Variants in KCNK6 observed in about 807,000 individuals in gnomAD.
KCNK6 encodes potassium two pore domain channel subfamily K member 6.
A neutral mutation model predicts 21.9 loss-of-function variants in KCNK6; 20 were observed. The ratio of observed to expected loss-of-function variants is 0.91; its 90% CI spans 0.64 to 1.32. The LOEUF is 1.32. Among genes scored for constraint, KCNK6 ranks in the 40% most tolerant of loss-of-function variants. The pLI is 0.00. For synonymous variants in KCNK6, 210 were observed against 218.0 expected, an observed-to-expected ratio of 0.96 and a Z score of 0.32; for missense variants, 415 against 433.1, an observed-to-expected ratio of 0.96 and a Z score of 0.37.
chr19:38,323,588 A>G (rs1173647852), intron 1 of KCNK6, among the ~76,000 whole-genome samples: 1 of 152,156 alleles, frequency 6.6e-6, no homozygotes, highest in Non-Finnish European at 1.5e-5. Context: ...GATTACTACC[A>G]CATTTGAGGA....
Position 38,329,776 on chromosome 19 carries a change from C to T in KCNK6, c.*2373C>T. ...CAGAGCGGGTACTGAGGCTGGGTGC[C>T]TGTGGGAGGCTGAGGCAGGAATGAA... On this transcript the variant is annotated 3_prime_UTR_variant, in exon 3 of 3. Transcript: ENST00000263372. 1 of 153,322 alleles carries T rather than the reference C, an allele frequency of 6.5e-6. No individual in the cohort carries two copies. The highest frequency in any genetic ancestry group is 1.4e-5 in the Non-Finnish European group (1 of 68,988). The allele number at this position is 153,322 out of a possible 1,614,324, so 9.5% of individuals were successfully genotyped here.
chr19:38,320,272 G>C lies in KCNK6; in HGVS notation c.322G>C (p.Gly108Arg), dbSNP rs762143495. 11 of 1,605,400 alleles carry C rather than the reference G, an allele frequency of 6.9e-6. No individual in the cohort carries two copies. Among genetic ancestry groups the C allele is most frequent in the Non-Finnish European group, 6.8e-6 (8 of 1,179,328 alleles). The change falls in exon 1 of 3, where the codon GGC becomes CGC. Residue 108 changes from glycine to arginine, a missense_variant and splice_region_variant. Coordinates refer to ENST00000263372, the MANE Select transcript of KCNK6 (RefSeq NM_004823.3). Reference sequence around the variant, plus strand: ...CGCCAGCACGCTGATCACCACCGTGGGTACGTAAGCGCCTCACCGCAAGGC... The same window carrying C: ...CGCCAGCACGCTGATCACCACCGTGCGTACGTAAGCGCCTCACCGCAAGGC... ...FFASTLITTV[G>R]YGYTTPLTDA...
chr19:38,324,516 C>T (rs1350699737), intron 1 of KCNK6, among the ~76,000 whole-genome samples: 2 of 152,176 alleles, frequency 1.3e-5, no homozygotes, highest in Non-Finnish European at 2.9e-5. Flanking sequence ...GGCTGTGTAG[C>T]TCCAGCCTCC....
chr19:38,326,171 T>C (rs543067572), intron 1 of KCNK6, among the ~76,000 whole-genome samples: 10 of 151,924 alleles, frequency 6.6e-5, no homozygotes, highest in Non-Finnish European at 1.2e-4. Flanking sequence ...CAGGAGGGGA[T>C]GTGGGGAGAG....
At chr19:38,327,062 C>T in intron 2 of KCNK6, 74 bp downstream of exon 2, 1 of 1,561,594 alleles carries the variant, frequency 6.4e-7, no homozygotes, top group South Asian at 1.2e-5. Context: ...GGCTCACAGT[C>T]CCACTCTGGG....
At chr19:38,325,456 G>A in intron 1 of KCNK6, 3 of 985,438 alleles carry the variant, frequency 3.0e-6, no homozygotes, top group Non-Finnish European at 3.6e-6. Context: ...CTGAGGCTCA[G>A]AGCCAGGCAA....
intron 1 of KCNK6, among the ~76,000 whole-genome samples, chr19:38,321,708 G>C (rs1340584774): frequency 6.6e-6 from 1 of 152,232 alleles, no homozygotes; most frequent in Non-Finnish European, 1.5e-5. Context: ...TTTTGCTTTT[G>C]GTCCCCTGGC....
rs1969735112 is a variant in KCNK6, at chr19:38,328,369, C to G, written c.*966C>G. 1 of 152,226 alleles carries G rather than the reference C, an allele frequency of 6.6e-6. No homozygotes were observed. The highest frequency in any genetic ancestry group is 1.5e-5 in the Non-Finnish European group (1 of 68,100). 9.4% of individuals were successfully genotyped at this position (152,226 alleles called of 1,614,324 possible). A position where few individuals can be genotyped will look rare whatever the true frequency, so the allele number is the denominator to read the frequency against. ...ATCTGAATGGCATGGGAGGTGCTGC[C>G]CTTAACCATGACACCATTGTAAGAG... On this transcript the variant is annotated 3_prime_UTR_variant, in exon 3 of 3. Transcript: ENST00000263372.
At position 38,320,030 on chromosome 19, in the gene KCNK6, G is replaced by C; in HGVS notation, c.80G>C (p.Arg27Pro). 6.7e-7 allele frequency: 1 copy of C among 1,495,900 alleles called. No homozygotes were observed. Among genetic ancestry groups the C allele is most frequent in the Non-Finnish European group, 8.8e-7 (1 of 1,131,972 alleles). 92.7% of individuals were successfully genotyped at this position (1,495,900 alleles called of 1,614,324 possible). Residue 27 changes from arginine (R) to proline (P), a missense_variant, in exon 1 of 3, where the codon CGG (arginine) becomes CCG (proline). Coordinates refer to ENST00000263372, the MANE Select transcript of KCNK6 (RefSeq NM_004823.3). The part of the protein sequence containing the change: ...YLVLGALLVA[R>P]LEGPHEARLR... The stretch of plus-strand genomic sequence containing the variant: ...GTGCTGGGCGCGCTGTTGGTGGCGC[G>C]GCTGGAGGGGCCGCACGAAGCCAGG...
At position 38,319,942 on chromosome 19, in the gene KCNK6, G is replaced by A; in HGVS notation, c.-9G>A. ...GCCACCCAGGGCTCGCGGGGTCCCGGTGGGTGCCATGCGGAGGGGCGCGCT... is the reference window on the plus strand; with the variant it reads ...GCCACCCAGGGCTCGCGGGGTCCCGATGGGTGCCATGCGGAGGGGCGCGCT... On this transcript the variant is annotated 5_prime_UTR_variant, in exon 1 of 3. The change creates a new upstream start codon in the 5' untranslated region. Coordinates refer to ENST00000263372, the MANE Select transcript of KCNK6 (RefSeq NM_004823.3). 1.4e-6 allele frequency: 2 copies of A among 1,427,282 alleles called. No homozygotes were observed. The highest frequency in any genetic ancestry group is 3.1e-5 in the Admixed American group (1 of 32,002). 88.4% of individuals were successfully genotyped at this position (1,427,282 alleles called of 1,614,324 possible). A position where few individuals can be genotyped will look rare whatever the true frequency, so the allele number is the denominator to read the frequency against.
Position 38,319,956 on chromosome 19 carries a change from G to T in KCNK6, c.6G>T (p.Arg2=). 1 of 1,450,744 alleles carries T rather than the reference G, an allele frequency of 6.9e-7. No individual in the cohort carries two copies. Among genetic ancestry groups the T allele is most frequent in the South Asian group, 1.4e-5 (1 of 71,932 alleles). 89.9% of individuals were successfully genotyped at this position (1,450,744 alleles called of 1,614,324 possible). A position where few individuals can be genotyped will look rare whatever the true frequency, so the allele number is the denominator to read the frequency against. The change falls in exon 1 of 3, where the codon CGG becomes CGT. Residue 2 remains arginine (R), a synonymous_variant. Transcript: ENST00000263372. M[R]RGALLAGALA... ...GCGGGGTCCCGGTGGGTGCCATGCG[G>T]AGGGGCGCGCTTCTGGCGGGCGCCT...
At position 38,329,095 on chromosome 19, in the gene KCNK6, T is replaced by G. The variant is rs912313358; in HGVS notation, c.*1692T>G. 4 of 150,904 alleles carry G rather than the reference T, an allele frequency of 2.7e-5. No individual in the cohort carries two copies. The highest frequency in any genetic ancestry group is 9.8e-5 in the African/African-American group (4 of 40,980). The allele number at this position is 150,904 out of a possible 1,614,324, so 9.3% of individuals were successfully genotyped here. A position where few individuals can be genotyped will look rare whatever the true frequency, so the allele number is the denominator to read the frequency against. On this transcript the variant is annotated 3_prime_UTR_variant, in exon 3 of 3. Coordinates refer to ENST00000263372, the MANE Select transcript of KCNK6 (RefSeq NM_004823.3). ...AATACAAAAAATTAGCCAGGCGAGG[T>G]GGCAGGCGCCTGTAGTCCCAGCTAC... is the stretch of plus-strand genomic sequence containing the variant.
At chr19:38,325,685 G>A (rs541072238) in intron 1 of KCNK6, 36 of 269,372 alleles carry the variant, frequency 1.3e-4, no homozygotes, top group African/African-American at 8.3e-4. Flanking sequence ...CACTGAGAAG[G>A]TGACATTTGG....
At position 38,320,256 on chromosome 19, in the gene KCNK6, G is replaced by A; in HGVS notation, c.306G>A (p.Thr102=). Reference sequence around the variant, plus strand: ...CCTCTGCTCTCTTCTTCGCCAGCACGCTGATCACCACCGTGGGTACGTAAG... The same window carrying A: ...CCTCTGCTCTCTTCTTCGCCAGCACACTGATCACCACCGTGGGTACGTAAG... ...DFASALFFAS[T]LITTVGYGYT... The change falls in exon 1 of 3, where the codon ACG becomes ACA. Residue 102 remains threonine, a synonymous_variant. Coordinates refer to ENST00000263372, the MANE Select transcript of KCNK6 (RefSeq NM_004823.3). 6.2e-7 allele frequency: 1 copy of A among 1,606,310 alleles called. No homozygotes were observed.
rs377219898 is a variant in KCNK6 at position 38,327,278 on chromosome 19, C to A, written c.817C>A (p.Pro273Thr). The change falls in exon 3 of 3, where the codon CCT becomes ACT. Residue 273 changes from proline to threonine, a missense_variant. Transcript: ENST00000263372. ...HGLTELILLP[P>T]PCPASFNADE... ...CCTCACGGAGCTCATCCTGCTGCCC[C>A]CTCCGTGCCCTGCCAGTTTCAATGC... 7 of 1,613,782 alleles carry A rather than the reference C, an allele frequency of 4.3e-6. No homozygotes were observed. Among genetic ancestry groups the A allele is most frequent in the Non-Finnish European group, 5.9e-6 (7 of 1,180,030 alleles).
At position 38,319,898 on chromosome 19, in the gene KCNK6, C is replaced by T; in HGVS notation, c.-53C>T. ...AACTAGGTGCCAGACGGTCCGGAGG[C>T]GGGGGCCACGTCAGCGGGGCCACCC... On this transcript the variant is annotated 5_prime_UTR_variant, in exon 1 of 3. Coordinates refer to ENST00000263372, the MANE Select transcript of KCNK6 (RefSeq NM_004823.3). 1 of 1,358,872 alleles carries T rather than the reference C, an allele frequency of 7.4e-7. No individual in the cohort carries two copies. Among genetic ancestry groups the T allele is most frequent in the Non-Finnish European group, 9.4e-7 (1 of 1,062,076 alleles). 84.2% of individuals were successfully genotyped at this position (1,358,872 alleles called of 1,614,324 possible).
chr19:38,324,224 C>T (rs1281505382), intron 1 of KCNK6, among the ~76,000 whole-genome samples: 1 of 152,058 alleles, frequency 6.6e-6, no homozygotes, highest in East Asian at 1.9e-4. Context: ...GCCACCTCAC[C>T]CAGCCTGTTT....
chr19:38,327,572 G>A lies in KCNK6; in HGVS notation c.*169G>A. 4.7e-6 allele frequency: 3 copies of A among 643,286 alleles called. No homozygotes were observed. Among genetic ancestry groups the A allele is most frequent in the Admixed American group, 5.5e-5 (2 of 36,506 alleles). The allele number at this position is 643,286 out of a possible 1,614,324, so 39.8% of individuals were successfully genotyped here. A position where few individuals can be genotyped will look rare whatever the true frequency, so the allele number is the denominator to read the frequency against. ...GCATCTGGCTGGGATGTGAAGGGCAGCACTCCCTGTCCCCATGTCCCGGGC... is the reference window on the plus strand; with the variant it reads ...GCATCTGGCTGGGATGTGAAGGGCAACACTCCCTGTCCCCATGTCCCGGGC... On this transcript the variant is annotated 3_prime_UTR_variant, in exon 3 of 3. Transcript: ENST00000263372.
chr19:38,320,681 G>C (rs1969641738), intron 1 of KCNK6, among the ~76,000 whole-genome samples: 1 of 151,888 alleles, frequency 6.6e-6, no homozygotes, highest in Non-Finnish European at 1.5e-5. Flanking sequence ...GCTTCAGCCT[G>C]CCGAGTAGCT....
Sources: gnomAD v4.1 joint callset for allele counts (sites outside exome capture counted in the v4.1 genomes callset) on GRCh38, gnomAD v4.1.1 for gene constraint, MANE v1.5 for transcripts, NCBI Gene and HGNC (gene_info 2026-07-23, HGNC 2026-07-21) for gene names.